Variants in PTPRR observed in about 807,000 individuals in gnomAD.
PTPRR encodes the protein receptor-type tyrosine-protein phosphatase R.
A neutral mutation model predicts 77.2 loss-of-function variants in PTPRR; 38 were observed. That is an observed-to-expected ratio of 0.49 (90% CI 0.38 to 0.65). The LOEUF (loss-of-function observed/expected upper bound fraction) is 0.65. Ranked by LOEUF, PTPRR falls within the 30% of genes least tolerant of loss-of-function variation. The pLI is 0.00. For synonymous variants in PTPRR, 299 were observed against 283.1 expected (o/e 1.06, Z -0.57); for missense variants, 744 against 799.2 (o/e 0.93, Z 0.83).
chr12:70,716,903 T>C (rs1165399466), intron 6 of PTPRR, among the ~76,000 whole-genome samples: 1 of 152,216 alleles, frequency 6.6e-6, no homozygotes, highest in Non-Finnish European at 1.5e-5. Flanking sequence ...CCTATAGATA[T>C]GCAACTGGTA....
chr12:70,815,990 T>C (rs749739396), intron 2 of PTPRR, among the ~76,000 whole-genome samples: 5 of 152,100 alleles, frequency 3.3e-5, no homozygotes, highest in African/African-American at 4.8e-5. Flanking sequence ...AAATTACAAC[T>C]AATTTAAAAG....
At chr12:70,701,047 T>C (rs1888402739) in intron 7 of PTPRR, 90 bp downstream of exon 7, 1 of 1,364,096 alleles carries the variant, frequency 7.3e-7, no homozygotes, top group East Asian at 2.3e-5. Flanking sequence ...GTAGACTGCT[T>C]AAGTATAGGA....
chr12:70,745,728 A>T, intron 6 of PTPRR, 90 bp downstream of exon 6: 1 of 1,401,666 alleles, frequency 7.1e-7, no homozygotes, highest in South Asian at 1.4e-5. Context: ...CTACCCAATT[A>T]TGTCAATCAT....
At position 70,701,141 on chromosome 12, in the gene PTPRR, A is replaced by T. The variant is rs201932080; in HGVS notation, c.1190T>A (p.Phe397Tyr). The T allele has an allele frequency of 1.2e-6, 2 of 1,613,858 alleles. No homozygotes were observed. The highest frequency in any genetic ancestry group is 8.5e-7 in the Non-Finnish European group (1 of 1,179,882). Residue 397 changes from phenylalanine (F) to tyrosine (Y), a missense_variant, in exon 7 of 14, where the codon TTC becomes TAC. By Grantham distance (22) the Phe-to-Tyr change is conservative (BLOSUM62 3). This residue lies in a region of PTPRR where 570 missense variants were observed against 573.2 expected (regional missense o/e 0.99). Transcript: ENST00000283228. ...VASSHLLQSE[F>Y]MEIPMNFVDP... ...AACAATAAATAGAAGGCTCACCATG[A>T]ATTCACTTTGGAGTAAATGTGAACT...
intron 2 of PTPRR, among the ~76,000 whole-genome samples, chr12:70,836,278 A>C (rs1892301303): frequency 6.7e-6 from 1 of 149,048 alleles, no homozygotes; most frequent in Non-Finnish European, 1.5e-5. Context: ...ACTGGGAACA[A>C]TTCTAATGGC....
At position 70,872,694 on chromosome 12, in the gene PTPRR, CAAAAAAAA is replaced by C. The variant is rs377557224; in HGVS notation, c.357+19977_357+19984del. Reference sequence around the variant, plus strand: ...TGGGCGACAGAGTGAGACTCTGTCTCAAAAAAAAAAAAAAAAAAAAAAAAAACAATCCA... The same window carrying C: ...TGGGCGACAGAGTGAGACTCTGTCTCAAAAAAAAAAAAAAAAAACAATCCA... On this transcript the variant is annotated intron_variant, in intron 2 of 13. Coordinates refer to ENST00000283228, the MANE Select transcript of PTPRR (RefSeq NM_002849.4). Among the ~76,000 whole-genome samples, 6 of 43,448 alleles carry C rather than the reference CAAAAAAAA, an allele frequency of 1.4e-4. No homozygotes were observed. In the East Asian group the frequency reaches 2.5e-3, roughly 18 times the overall value. 28.5% of individuals were successfully genotyped at this position (43,448 alleles called of 152,430 possible). A position where few individuals can be genotyped will look rare whatever the true frequency, so the allele number is the denominator to read the frequency against.
At chr12:70,715,302 C>G (rs1353620922) in intron 6 of PTPRR, among the ~76,000 whole-genome samples, 1 of 152,094 alleles carries the variant, frequency 6.6e-6, no homozygotes. Context: ...TCAAGTACTT[C>G]ACAAGGTAAT....
chr12:70,892,738 C>A lies in PTPRR; in HGVS notation c.298G>T (p.Asp100Tyr), dbSNP rs895859673. ...TTTTCCACTTCAAGATCTTGACCAT[C>A]CATGGCCAGCAGATTGAGAGACGGG... ...YDPSLNLLAMDGQDLEVENLP... is the reference protein window; with the variant it reads ...YDPSLNLLAMYGQDLEVENLP... Residue 100 changes from aspartate (D) to tyrosine (Y), a missense_variant, in exon 2 of 14, where the codon GAT becomes TAT. Transcript: ENST00000283228. The A allele has an allele frequency of 1.2e-6, 2 of 1,613,472 alleles. No homozygotes were observed. Among genetic ancestry groups the A allele is most frequent in the Non-Finnish European group, 1.7e-6 (2 of 1,179,536 alleles).
At chr12:70,899,458 A>G (rs1893492222) in intron 1 of PTPRR, among the ~76,000 whole-genome samples, 1 of 151,430 alleles carries the variant, frequency 6.6e-6, no homozygotes, top group Non-Finnish European at 1.5e-5. Context: ...CTGAGAGTCT[A>G]AAGAGGAAAA....
chr12:70,731,074 A>AAGAGAGAGGAAGGAAGGAGGAATG (rs1889642923), intron 6 of PTPRR, among the ~76,000 whole-genome samples: 1 of 86,874 alleles, frequency 1.2e-5, no homozygotes, highest in African/African-American at 3.9e-5. Flanking sequence ...GGAGGAAGGC[A>AAGAGAGAGGAAGGAAGGAGGAATG]AGAGAGAGGA....
chr12:70,734,644 G>C (rs1889800753), intron 6 of PTPRR, among the ~76,000 whole-genome samples: 1 of 152,118 alleles, frequency 6.6e-6, no homozygotes, highest in East Asian at 1.9e-4. Context: ...GCTCTGCCAG[G>C]GACCACAAGT....
chr12:70,865,575 A>G (rs1892829947), intron 2 of PTPRR, among the ~76,000 whole-genome samples: 1 of 152,216 alleles, frequency 6.6e-6, no homozygotes. Context: ...AGATCCAGCT[A>G]ACCTACAAAT....
intron 6 of PTPRR, among the ~76,000 whole-genome samples, chr12:70,715,867 G>A (rs547691870): frequency 6.3e-4 from 96 of 152,176 alleles, no homozygotes; most frequent in African/African-American, 2.1e-3. Flanking sequence ...GTCCTGAGGC[G>A]ACATACATCC....
chr12:70,779,997 CTT>C (rs376982227), intron 2 of PTPRR, among the ~76,000 whole-genome samples: 2 of 146,158 alleles, frequency 1.4e-5, no homozygotes. Context: ...TTGAAACTCA[CTT>C]TTTTTTTTTT....
chr12:70,907,469 CT>C (rs1175818586), intron 1 of PTPRR, among the ~76,000 whole-genome samples: 2 of 152,170 alleles, frequency 1.3e-5, no homozygotes, highest in Non-Finnish European at 2.9e-5. Flanking sequence ...GTGTAAACCT[CT>C]ATTTGGGAGT....
chr12:70,826,121 G>T (rs1892104440), intron 2 of PTPRR, among the ~76,000 whole-genome samples: 1 of 152,164 alleles, frequency 6.6e-6, no homozygotes, highest in African/African-American at 2.4e-5. Context: ...AGGGAAAGAA[G>T]AAGGGAGAGA....
chr12:70,728,154 G>A (rs758276238), intron 6 of PTPRR, among the ~76,000 whole-genome samples: 8 of 149,508 alleles, frequency 5.4e-5, no homozygotes, highest in South Asian at 2.1e-4. Flanking sequence ...GAGTATCCCT[G>A]TATCCCTTAT....
chr12:70,756,332 T>C (rs552298711), intron 4 of PTPRR, among the ~76,000 whole-genome samples: 2 of 143,092 alleles, frequency 1.4e-5, no homozygotes, highest in Admixed American at 7.0e-5. Context: ...TCTTGGTAAA[T>C]AGATTTCTTT....
At chr12:70,774,280 C>T (rs558161964) in intron 2 of PTPRR, among the ~76,000 whole-genome samples, 2 of 152,310 alleles carry the variant, frequency 1.3e-5, no homozygotes, top group Admixed American at 6.5e-5. Flanking sequence ...ATTGTCTATG[C>T]TGGGAACCCA....
Sources: gnomAD v4.1 joint callset for allele counts (sites outside exome capture counted in the v4.1 genomes callset) on GRCh38, gnomAD v4.1.1 for gene constraint, gnomAD v4.1.1 regional missense constraint, MANE v1.5 for transcripts, NCBI Gene and HGNC (gene_info 2026-07-23, HGNC 2026-07-21) for gene names.